KLRD1: variants seen among roughly 807,000 people sequenced by gnomAD.
KLRD1 encodes the protein natural killer cells antigen CD94.
In KLRD1, 21 loss-of-function variants were observed where a neutral mutation model predicts 22.6. The observed-to-expected ratio is 0.93, with a 90% confidence interval of 0.66 to 1.34. The LOEUF is 1.34. Ranked by LOEUF, KLRD1 falls within the 40% of genes most tolerant of loss-of-function variation. The probability of loss-of-function intolerance (pLI) is 0.00; values close to 1 mark genes in which losing one functional copy is unlikely to be tolerated. For synonymous variants in KLRD1, 59 were observed against 71.1 expected (o/e 0.83, Z 0.85); for missense variants, 183 against 208.6 (o/e 0.88, Z 0.76).
upstream of KLRD1, among the ~76,000 whole-genome samples, chr12:10,300,519 C>A (rs1318849740): frequency 6.6e-6 from 1 of 152,186 alleles, no homozygotes; most frequent in Non-Finnish European, 1.5e-5. Flanking sequence ...GTGCCACCAT[C>A]CAGACTTTGT....
intron 1 of KLRD1, among the ~76,000 whole-genome samples, chr12:10,286,013 T>G (rs926360890): frequency 2.0e-5 from 3 of 152,182 alleles, no homozygotes; most frequent in African/African-American, 2.4e-5. Flanking sequence ...TGCAACAGCA[T>G]CTTACTGTTT....
chr12:10,311,915 A>T (rs1950080480), intron 4 of KLRD1, among the ~76,000 whole-genome samples: 1 of 152,198 alleles, frequency 6.6e-6, no homozygotes, highest in Non-Finnish European at 1.5e-5. Context: ...TTGAAGAACC[A>T]ACTAAATGAC....
At chr12:10,298,540 T>TA (rs1949840958) in intron 1 of KLRD1, among the ~76,000 whole-genome samples, 1 of 152,176 alleles carries the variant, frequency 6.6e-6, no homozygotes, top group South Asian at 2.1e-4. Context: ...ATAAACAAAA[T>TA]ATCTGCAGCA....
intron 1 of KLRD1, among the ~76,000 whole-genome samples, chr12:10,292,085 T>C (rs1454237884): frequency 6.6e-6 from 1 of 152,196 alleles, no homozygotes; most frequent in Non-Finnish European, 1.5e-5. Flanking sequence ...CGATTGTAAA[T>C]AGTGAATGCG....
intron 1 of KLRD1, among the ~76,000 whole-genome samples, chr12:10,255,358 T>C (rs1949385635): frequency 6.6e-6 from 1 of 152,194 alleles, no homozygotes; most frequent in African/African-American, 2.4e-5. Flanking sequence ...ACATACCTTC[T>C]AGTATTTATT....
chr12:10,277,826 G>C (rs752664381), intron 1 of KLRD1, among the ~76,000 whole-genome samples: 2 of 152,190 alleles, frequency 1.3e-5, no homozygotes, highest in African/African-American at 2.4e-5. Flanking sequence ...ATATTGATCA[G>C]TTAGTGCAGA....
rs968889891 is a variant in KLRD1, at chr12:10,326,144, T to A, written c.*11351T>A. On this transcript the variant is annotated 3_prime_UTR_variant, in exon 6 of 6. Transcript: ENST00000336164. ...CCATTCAAGTCTTTGATACATTTTTTAATTGGGTTACTTGTGTTTTTTTTA... is the reference window on the plus strand; with the variant it reads ...CCATTCAAGTCTTTGATACATTTTTAAATTGGGTTACTTGTGTTTTTTTTA... 5.9e-5 allele frequency: 9 copies of A among 152,208 alleles called. No homozygotes were observed. The highest frequency in any genetic ancestry group is 2.2e-4 in the African/African-American group (9 of 41,452). The allele number at this position is 152,208 out of a possible 1,614,324, so 9.4% of individuals were successfully genotyped here. A position where few individuals can be genotyped will look rare whatever the true frequency, so the allele number is the denominator to read the frequency against.
chr12:10,265,704 C>A (rs1949492961), intron 1 of KLRD1, among the ~76,000 whole-genome samples: 2 of 152,176 alleles, frequency 1.3e-5, no homozygotes, highest in South Asian at 4.1e-4. Context: ...TTGCAATGAG[C>A]CAAGATCATG....
At chr12:10,313,353 G>T (rs1950142602) in intron 4 of KLRD1, 57 bp from the exon 5 acceptor site, 1 of 1,009,072 alleles carries the variant, frequency 9.9e-7, no homozygotes, top group Non-Finnish European at 1.5e-6. Context: ...CTCAAAATAT[G>T]TTATTCCCAG....
intron 1 of KLRD1, among the ~76,000 whole-genome samples, chr12:10,281,561 G>A (rs1949643221): frequency 6.6e-6 from 1 of 152,084 alleles, no homozygotes; most frequent in Non-Finnish European, 1.5e-5. Flanking sequence ...GTAGTTGCAG[G>A]GCTCCGCAGG....
At chr12:10,274,513 T>C (rs1949576017) in intron 1 of KLRD1, among the ~76,000 whole-genome samples, 1 of 152,188 alleles carries the variant, frequency 6.6e-6, no homozygotes, top group Non-Finnish European at 1.5e-5. Context: ...TATATCACAA[T>C]TTTAATATAA....
intron 1 of KLRD1, among the ~76,000 whole-genome samples, chr12:10,253,662 A>T (rs1442215367): frequency 6.6e-6 from 1 of 152,152 alleles, no homozygotes; most frequent in Non-Finnish European, 1.5e-5. Flanking sequence ...AAATGAGATC[A>T]TGAGGTGTTT....
At chr12:10,290,882 T>G (rs952586831) in intron 1 of KLRD1, among the ~76,000 whole-genome samples, 3 of 152,276 alleles carry the variant, frequency 2.0e-5, no homozygotes, top group African/African-American at 7.2e-5. Flanking sequence ...TATATAAAAC[T>G]ACTAAAATCT....
intron 1 of KLRD1, among the ~76,000 whole-genome samples, chr12:10,293,992 C>A (rs573146530): frequency 6.6e-6 from 1 of 152,236 alleles, no homozygotes; most frequent in East Asian, 1.9e-4. Flanking sequence ...CTTTCCTTTT[C>A]TTCTTATGTC....
At chr12:10,305,870 G>C (rs1240295390), upstream of KLRD1, among the ~76,000 whole-genome samples, 1 of 151,956 alleles carries the variant, frequency 6.6e-6, no homozygotes, top group African/African-American at 2.4e-5. Context: ...AAAATAAATA[G>C]AAAGAACAGA....
At chr12:10,245,678 GATA>G (rs1210957985) in intron 1 of KLRD1, among the ~76,000 whole-genome samples, 4 of 152,110 alleles carry the variant, frequency 2.6e-5, no homozygotes, top group African/African-American at 9.7e-5. Flanking sequence ...CCAACATATA[GATA>G]ATGACGTATG....
intron 1 of KLRD1, among the ~76,000 whole-genome samples, chr12:10,291,317 C>T (rs1949768258): frequency 6.6e-6 from 1 of 152,124 alleles, no homozygotes; most frequent in Non-Finnish European, 1.5e-5. Flanking sequence ...ATGAAGTTTG[C>T]TGCATTGACT....
intron 1 of KLRD1, among the ~76,000 whole-genome samples, chr12:10,290,852 C>T (rs1445729903): frequency 6.6e-6 from 1 of 152,022 alleles, no homozygotes; most frequent in Non-Finnish European, 1.5e-5. Context: ...TACACAAATA[C>T]ACACAAGCAA....
At chr12:10,266,995 C>G (rs895943442) in intron 1 of KLRD1, among the ~76,000 whole-genome samples, 3 of 151,086 alleles carry the variant, frequency 2.0e-5, no homozygotes, top group Non-Finnish European at 2.9e-5. Flanking sequence ...AGGTTTGTTA[C>G]ATATGTATAC....
Sources: allele counts gnomAD v4.1 joint callset (sites outside exome capture counted in the v4.1 genomes callset), GRCh38; gene constraint gnomAD v4.1.1; transcripts MANE v1.5; gene names NCBI Gene and HGNC (gene_info 2026-07-23, HGNC 2026-07-21).